NRXN1: variants seen among roughly 807,000 people sequenced by gnomAD.
NRXN1 encodes the protein neurexin-1.
In NRXN1, 39 loss-of-function variants were observed where a neutral mutation model predicts 150.9. The ratio of observed to expected loss-of-function variants is 0.26; its 90% CI spans 0.20 to 0.34. NRXN1 has a LOEUF of 0.34. Ranked by LOEUF, NRXN1 falls within the 10% of genes least tolerant of loss-of-function variation. The pLI is 1.00. For synonymous variants in NRXN1, 924 were observed against 757.0 expected (o/e 1.22, Z -3.62); for missense variants, 1,815 against 1,949.9 (o/e 0.93, Z 1.30).
At chr2:50,350,038 G>A (rs1167874694) in intron 17 of NRXN1, among the ~76,000 whole-genome samples, 2 of 152,170 alleles carry the variant, frequency 1.3e-5, no homozygotes, top group Non-Finnish European at 2.9e-5. Flanking sequence ...GGCAAATAAA[G>A]TCCCTGTGAA....
intron 17 of NRXN1, among the ~76,000 whole-genome samples, chr2:50,434,879 C>A (rs2085296887): frequency 6.6e-6 from 1 of 151,970 alleles, no homozygotes; most frequent in East Asian, 1.9e-4. Context: ...AGAAATTTGC[C>A]AACCCAGCTT....
intron 15 of NRXN1, among the ~76,000 whole-genome samples, chr2:50,479,893 C>G (rs757256327): frequency 2.0e-5 from 3 of 150,184 alleles, no homozygotes; most frequent in Non-Finnish European, 4.4e-5. Flanking sequence ...CCTGCCTCAG[C>G]CTCCAGAGTA....
chr2:50,333,023 G>C (rs2076931507), intron 17 of NRXN1, among the ~76,000 whole-genome samples: 2 of 152,132 alleles, frequency 1.3e-5, no homozygotes, highest in African/African-American at 4.8e-5. Flanking sequence ...TTCCCATAAA[G>C]AGCCACTAAT....
chr2:51,013,894 G>C (rs1043342555), intron 2 of NRXN1, among the ~76,000 whole-genome samples: 1 of 151,928 alleles, frequency 6.6e-6, no homozygotes, highest in Non-Finnish European at 1.5e-5. Flanking sequence ...TTTTCTGTTT[G>C]TCAGCTCATA....
chr2:49,974,818 T>C (rs1244373345), intron 21 of NRXN1, among the ~76,000 whole-genome samples: 1 of 151,548 alleles, frequency 6.6e-6, no homozygotes, highest in East Asian at 1.9e-4. Context: ...CCAATAAATA[T>C]GCCATTTTAT....
chr2:50,451,605 A>T (rs1283103597), intron 17 of NRXN1, among the ~76,000 whole-genome samples: 1 of 152,208 alleles, frequency 6.6e-6, no homozygotes, highest in Non-Finnish European at 1.5e-5. Flanking sequence ...TACATATATT[A>T]ATCTACCTTG....
At chr2:50,738,885 G>A (rs925317970) in intron 5 of NRXN1, among the ~76,000 whole-genome samples, 2 of 152,144 alleles carry the variant, frequency 1.3e-5, no homozygotes, top group African/African-American at 4.8e-5. Flanking sequence ...GCAACTGGAT[G>A]CATAGCAAGA....
At chr2:50,469,258 T>C (rs888801759) in intron 16 of NRXN1, among the ~76,000 whole-genome samples, 7 of 151,628 alleles carry the variant, frequency 4.6e-5, no homozygotes, top group East Asian at 1.9e-4. Context: ...ATAATCTAAG[T>C]AGACTTCGAC....
intron 8 of NRXN1, among the ~76,000 whole-genome samples, chr2:50,573,067 T>A (rs540812467): frequency 2.2e-3 from 337 of 152,276 alleles, no homozygotes; most frequent in African/African-American, 7.8e-3. Context: ...CATTATTATA[T>A]TCACATATAA....
At position 50,444,639 on chromosome 2, in the gene NRXN1, G is replaced by A. The variant is rs2086245051; in HGVS notation, c.3364+20803C>T. 2.0e-5 allele frequency among the ~76,000 whole-genome samples: 3 copies of A among 152,046 alleles called. No homozygotes were observed. In the South Asian group the frequency reaches 6.2e-4, roughly 32 times the overall value. The stretch of plus-strand genomic sequence containing the variant: ...GCAATATTTAAGAGGACACCAAAAA[G>A]TCAGTGAGTAAGATAAATAACATTT... On this transcript the variant is annotated intron_variant, in intron 17 of 22. Transcript: ENST00000401669.
chr2:50,721,635 G>C (rs1337679734), intron 5 of NRXN1, among the ~76,000 whole-genome samples: 1 of 152,062 alleles, frequency 6.6e-6, no homozygotes, highest in African/African-American at 2.4e-5. Context: ...TAAGTGTCAA[G>C]GGGTTTTAAG....
intron 5 of NRXN1, among the ~76,000 whole-genome samples, chr2:50,816,474 T>A (rs1668955935): frequency 6.6e-6 from 1 of 152,064 alleles, no homozygotes; most frequent in Admixed American, 6.6e-5. Context: ...TGTGCTTGTC[T>A]CAGTAAAAAA....
intron 18 of NRXN1, among the ~76,000 whole-genome samples, chr2:50,149,749 ATGT>A (rs1199249736): frequency 6.6e-6 from 1 of 151,636 alleles, no homozygotes; most frequent in Non-Finnish European, 1.5e-5. Context: ...AACACCAAAA[ATGT>A]TGAATATTGA....
chr2:50,160,473 G>A (rs1055951140), intron 18 of NRXN1, among the ~76,000 whole-genome samples: 1 of 151,956 alleles, frequency 6.6e-6, no homozygotes, highest in Non-Finnish European at 1.5e-5. Flanking sequence ...CCCAGGAGGT[G>A]GAAGTTGCAG....
At chr2:50,002,328 C>G (rs765959128) in intron 21 of NRXN1, among the ~76,000 whole-genome samples, 20 of 152,162 alleles carry the variant, frequency 1.3e-4, no homozygotes, top group Non-Finnish European at 2.5e-4. Context: ...TCTCAGTGCT[C>G]TGTCTTAGTT....
At chr2:50,107,826 T>C (rs1345772959) in intron 18 of NRXN1, among the ~76,000 whole-genome samples, 1 of 151,958 alleles carries the variant, frequency 6.6e-6, no homozygotes, top group East Asian at 1.9e-4. Flanking sequence ...TTTAGTCTTT[T>C]AAATATACCT....
intron 17 of NRXN1, among the ~76,000 whole-genome samples, chr2:50,411,667 C>G (rs1397705001): frequency 6.7e-6 from 1 of 148,512 alleles, no homozygotes; most frequent in African/African-American, 2.5e-5. Flanking sequence ...GGAGCCCCTC[C>G]GCCCGGCAGC....
intron 17 of NRXN1, among the ~76,000 whole-genome samples, chr2:50,353,205 A>G (rs539423076): frequency 1.3e-5 from 2 of 152,120 alleles, no homozygotes; most frequent in Non-Finnish European, 2.9e-5. Context: ...TTTAATAAAA[A>G]TTTCATGTTT....
intron 5 of NRXN1, among the ~76,000 whole-genome samples, chr2:50,639,542 C>A (rs1343681818): frequency 6.6e-6 from 1 of 151,736 alleles, no homozygotes; most frequent in Non-Finnish European, 1.5e-5. Context: ...TTTTTAATGC[C>A]ATTTTGGATA....
Sources: allele counts gnomAD v4.1 joint callset (sites outside exome capture counted in the v4.1 genomes callset), GRCh38; gene constraint gnomAD v4.1.1; transcripts MANE v1.5; gene names NCBI Gene and HGNC (gene_info 2026-07-23, HGNC 2026-07-21).